The following MMP26 variants were observed in gnomAD, a reference collection of about 807,000 sequenced individuals.
MMP26 encodes matrix metalloproteinase-26.
A neutral mutation model predicts 31.0 loss-of-function variants in MMP26; 33 were observed. That is an observed-to-expected ratio of 1.06 (90% CI 0.81 to 1.42). MMP26 has a LOEUF of 1.42. Among genes scored for constraint, MMP26 ranks in the 40% most tolerant of loss-of-function variants. MMP26 has a pLI of 0.00. For synonymous variants in MMP26, 122 were observed against 114.9 expected (o/e 1.06, Z -0.40); for missense variants, 347 against 316.1 (o/e 1.10, Z -0.74).
At chr11:4,970,595 G>T (rs554803899) in intron 2 of MMP26, among the ~76,000 whole-genome samples, 37 of 152,318 alleles carry the variant, frequency 2.4e-4, no homozygotes, top group Non-Finnish European at 4.7e-4. Context: ...CTATTCTGGG[G>T]ATGGAGGTGC....
intron 2 of MMP26, chr11:4,859,540 CTG>C (rs1390248378): frequency 8.1e-6 from 3 of 368,186 alleles, no homozygotes; most frequent in African/African-American, 2.1e-5. Flanking sequence ...TGCACCATAA[CTG>C]TGGAAAATTA....
At chr11:4,831,774 C>A (rs767082058) in intron 2 of MMP26, among the ~76,000 whole-genome samples, 4 of 152,120 alleles carry the variant, frequency 2.6e-5, no homozygotes, top group African/African-American at 7.2e-5. Flanking sequence ...GATTATAACA[C>A]ATTCCACTTA....
At chr11:4,874,147 A>G (rs1463756237) in intron 2 of MMP26, among the ~76,000 whole-genome samples, 1 of 152,112 alleles carries the variant, frequency 6.6e-6, no homozygotes, top group Non-Finnish European at 1.5e-5. Flanking sequence ...TTCTACAACA[A>G]TTTTATCCAG....
At chr11:4,731,936 A>G (rs1222161144) in intron 1 of MMP26, among the ~76,000 whole-genome samples, 3 of 152,168 alleles carry the variant, frequency 2.0e-5, no homozygotes, top group Non-Finnish European at 2.9e-5. Context: ...TTATCTGGGT[A>G]TGGGGTTCTC....
rs541364365 is a variant in MMP26 at position 4,705,638 on chromosome 11, A to G, written c.-217+593A>G. 1.2e-3 allele frequency among the ~76,000 whole-genome samples: 178 copies of G among 152,320 alleles called. 1 individual carries two copies. The highest frequency in any genetic ancestry group is 4.1e-3 in the African/African-American group (171 of 41,562). ...TTTAAGAAGAGTTTAATATTTGCTCATTAGTTTTAGCGCAGGACAACTCAA... is the reference window on the plus strand; with the variant it reads ...TTTAAGAAGAGTTTAATATTTGCTCGTTAGTTTTAGCGCAGGACAACTCAA... On this transcript the variant is annotated intron_variant, in intron 1 of 7. Coordinates refer to ENST00000380390, the MANE Select transcript of MMP26 (RefSeq NM_021801.5).
chr11:4,902,713 A>G (rs973771971), intron 2 of MMP26, among the ~76,000 whole-genome samples: 4 of 152,230 alleles, frequency 2.6e-5, no homozygotes, highest in South Asian at 2.1e-4. Flanking sequence ...GAATAGCCCA[A>G]TGACATTTAA....
intron 1 of MMP26, among the ~76,000 whole-genome samples, chr11:4,747,396 A>G (rs1423392850): frequency 1.3e-5 from 2 of 152,198 alleles, no homozygotes; most frequent in Non-Finnish European, 2.9e-5. Flanking sequence ...CTGAAATACA[A>G]AGGATAAAAT....
intron 1 of MMP26, chr11:4,724,036 A>T (rs1034953618): frequency 1.5e-6 from 1 of 672,990 alleles, no homozygotes; most frequent in African/African-American, 1.8e-5. Context: ...GCTACCCCGG[A>T]AGCTGCTGGT....
At chr11:4,782,546 A>G (rs1848878718) in intron 2 of MMP26, among the ~76,000 whole-genome samples, 1 of 152,232 alleles carries the variant, frequency 6.6e-6, no homozygotes, top group African/African-American at 2.4e-5. Context: ...TGACAATGGG[A>G]TAGGAAAGAA....
At chr11:4,936,757 A>G (rs1249640448) in intron 2 of MMP26, among the ~76,000 whole-genome samples, 2 of 152,198 alleles carry the variant, frequency 1.3e-5, no homozygotes, top group African/African-American at 4.8e-5. Flanking sequence ...GGCCACTAAA[A>G]TAAACAATGG....
chr11:4,955,796 C>T (rs10837027), intron 2 of MMP26: 2 of 1,208,992 alleles, frequency 1.7e-6, no homozygotes, highest in African/African-American at 3.0e-5. Context: ...GTAAAATAGG[C>T]ATATCTGTAA....
At chr11:4,955,217 C>G (rs77497717) in intron 2 of MMP26, 240,065 of 1,251,538 alleles carry the variant, frequency 0.19, 74,535 homozygotes, top group Middle Eastern at 0.26. Context: ...TCTCAAGCTT[C>G]TTAAAGTGAA....
intron 2 of MMP26, among the ~76,000 whole-genome samples, chr11:4,816,637 T>C (rs1207604184): frequency 1.3e-5 from 2 of 151,076 alleles, no homozygotes; most frequent in African/African-American, 2.4e-5. Flanking sequence ...GATATGATTA[T>C]GGGCAACTGA....
At chr11:4,708,780 A>G (rs1847817509) in intron 1 of MMP26, among the ~76,000 whole-genome samples, 1 of 147,812 alleles carries the variant, frequency 6.8e-6, no homozygotes, top group Admixed American at 6.8e-5. Flanking sequence ...ATGGAAAATC[A>G]AGAAACTTGC....
chr11:4,842,929 T>C (rs1026535757), intron 2 of MMP26, among the ~76,000 whole-genome samples: 1 of 152,154 alleles, frequency 6.6e-6, no homozygotes, highest in African/African-American at 2.4e-5. Context: ...TGGAAAAAAT[T>C]GGCCAAAACC....
intron 2 of MMP26, among the ~76,000 whole-genome samples, chr11:4,796,603 T>C (rs997935219): frequency 3.3e-5 from 5 of 152,192 alleles, no homozygotes; most frequent in African/African-American, 1.2e-4. Flanking sequence ...AATATACACA[T>C]ACTTTCTCTG....
intron 2 of MMP26, among the ~76,000 whole-genome samples, chr11:4,842,501 A>G (rs1475564742): frequency 2.0e-5 from 3 of 152,206 alleles, no homozygotes; most frequent in African/African-American, 7.2e-5. Context: ...GTGACGGGAG[A>G]GAGACAGAGT....
At chr11:4,870,637 A>T (rs1342203488) in intron 2 of MMP26, among the ~76,000 whole-genome samples, 3 of 152,120 alleles carry the variant, frequency 2.0e-5, no homozygotes, top group African/African-American at 7.2e-5. Context: ...TGAAGAAGAG[A>T]GGGAGAAAAG....
intron 1 of MMP26, among the ~76,000 whole-genome samples, chr11:4,730,286 T>C (rs1403986351): frequency 6.6e-6 from 1 of 152,112 alleles, no homozygotes; most frequent in Non-Finnish European, 1.5e-5. Flanking sequence ...TCTCCTTAAG[T>C]TTTGGAATCA....
Sources: allele counts gnomAD v4.1 joint callset (sites outside exome capture counted in the v4.1 genomes callset), GRCh38; gene constraint gnomAD v4.1.1; transcripts MANE v1.5; gene names NCBI Gene and HGNC (gene_info 2026-07-23, HGNC 2026-07-21).